Variants in PLCL1 observed in about 807,000 individuals in gnomAD.
PLCL1 encodes inactive phospholipase C-like protein 1.
PLCL1 carries 41 observed loss-of-function variants against 84.4 expected under a neutral mutation model. That is an observed-to-expected ratio of 0.49 (90% confidence interval 0.38 to 0.63). The LOEUF is 0.63. Among genes scored for constraint, PLCL1 ranks in the 30% least tolerant of loss-of-function variants. The pLI is 0.00. For synonymous variants in PLCL1, 490 were observed against 488.3 expected, an observed-to-expected ratio of 1.00 and a Z score of -0.05; for missense variants, 1,206 against 1,367.8, an observed-to-expected ratio of 0.88 and a Z score of 1.87.
At chr2:198,012,648 C>T (rs926342800) in intron 1 of PLCL1, among the ~76,000 whole-genome samples, 6 of 151,312 alleles carry the variant, frequency 4.0e-5, no homozygotes, top group Non-Finnish European at 8.8e-5. Flanking sequence ...TTGTTGTCTT[C>T]GTGTTTCATT....
intron 1 of PLCL1, among the ~76,000 whole-genome samples, chr2:198,014,438 G>A (rs939433062): frequency 2.6e-5 from 4 of 151,990 alleles, no homozygotes; most frequent in Non-Finnish European, 5.9e-5. Context: ...CACAATGGTA[G>A]GACCACAATT....
intron 1 of PLCL1, chr2:197,810,372 A>G: frequency 1.4e-6 from 1 of 692,464 alleles, no homozygotes; most frequent in Non-Finnish European, 2.2e-6. Context: ...GTGTCTGTTG[A>G]TTAGTGTTTG....
At chr2:198,053,255 CAT>C (rs1691985927) in intron 1 of PLCL1, among the ~76,000 whole-genome samples, 1 of 152,218 alleles carries the variant, frequency 6.6e-6, no homozygotes, top group Non-Finnish European at 1.5e-5. Flanking sequence ...TCTCCCACTT[CAT>C]TATCTGCATG....
chr2:197,942,803 G>C (rs1476662554), intron 1 of PLCL1, among the ~76,000 whole-genome samples: 1 of 152,162 alleles, frequency 6.6e-6, no homozygotes, highest in Non-Finnish European at 1.5e-5. Flanking sequence ...GTGAGGCTTT[G>C]ATTATGGTAT....
chr2:197,892,228 G>A (rs190393348), intron 1 of PLCL1, among the ~76,000 whole-genome samples: 115 of 152,236 alleles, frequency 7.6e-4, no homozygotes, highest in East Asian at 2.7e-3. Context: ...GGCTGGGTGC[G>A]GTGGCAGGTA....
At chr2:197,991,717 G>A (rs1690349697) in intron 1 of PLCL1, among the ~76,000 whole-genome samples, 1 of 152,154 alleles carries the variant, frequency 6.6e-6, no homozygotes, top group African/African-American at 2.4e-5. Context: ...CAGGACTGCT[G>A]CAGACGAGCC....
chr2:197,826,756 T>C lies in PLCL1; in HGVS notation c.240+21417T>C, dbSNP rs542709349. 6.1e-4 allele frequency among the ~76,000 whole-genome samples: 93 copies of C among 152,290 alleles called. 1 individual carries two copies. The highest frequency in any genetic ancestry group is 2.1e-3 in the African/African-American group (86 of 41,586). ...GTAAGCCCAAATAGAATATAGGTGC[T>C]GTAACAGAAGTATAGTATAGAGCTG... is the stretch of plus-strand genomic sequence containing the variant. On this transcript the variant is annotated intron_variant, in intron 1 of 5. Coordinates refer to ENST00000428675, the MANE Select transcript of PLCL1 (RefSeq NM_006226.4).
At chr2:198,109,310 G>C (rs983813748) in intron 5 of PLCL1, among the ~76,000 whole-genome samples, 1 of 151,770 alleles carries the variant, frequency 6.6e-6, no homozygotes, top group Non-Finnish European at 1.5e-5. Flanking sequence ...AAAGGGCCTA[G>C]CTAGTTCCCT....
intron 1 of PLCL1, among the ~76,000 whole-genome samples, chr2:198,034,705 T>G (rs891506539): frequency 1.3e-5 from 2 of 152,228 alleles, no homozygotes; most frequent in Non-Finnish European, 2.9e-5. Context: ...TTCATTCAGA[T>G]TCTGCTGATT....
At chr2:198,023,254 G>C (rs1268546237) in intron 1 of PLCL1, among the ~76,000 whole-genome samples, 3 of 152,046 alleles carry the variant, frequency 2.0e-5, no homozygotes, top group Non-Finnish European at 4.4e-5. Flanking sequence ...TAACTCAAGA[G>C]GGATTAAAGA....
intron 1 of PLCL1, among the ~76,000 whole-genome samples, chr2:197,855,174 A>G (rs1687307543): frequency 6.6e-6 from 1 of 152,124 alleles, no homozygotes; most frequent in African/African-American, 2.4e-5. Flanking sequence ...AAGGGAATAA[A>G]CTGTTCCTTG....
chr2:198,005,743 G>A lies in PLCL1; in HGVS notation c.241-78015G>A, dbSNP rs112712800. Among the ~76,000 whole-genome samples, 396 of 152,340 alleles carry A rather than the reference G, an allele frequency of 2.6e-3. 3 individuals carry two copies. Among genetic ancestry groups the A allele is most frequent in the African/African-American group, 8.9e-3 (368 of 41,578 alleles). ...AGAGGCAAAGGGTTGCAGGCAACTC[G>A]CCTGAGGTGGAGAGGCAAGGCTGGT... is the stretch of plus-strand genomic sequence containing the variant. On this transcript the variant is annotated intron_variant, in intron 1 of 5. Coordinates refer to ENST00000428675, the MANE Select transcript of PLCL1 (RefSeq NM_006226.4).
intron 1 of PLCL1, among the ~76,000 whole-genome samples, chr2:197,879,047 G>A (rs912367924): frequency 2.6e-5 from 4 of 152,324 alleles, no homozygotes; most frequent in Admixed American, 6.5e-5. Context: ...TCTTCCTCCC[G>A]CTGGGGCACA....
intron 1 of PLCL1, among the ~76,000 whole-genome samples, chr2:198,080,363 T>G (rs1431398441): frequency 6.6e-6 from 1 of 152,208 alleles, no homozygotes; most frequent in African/African-American, 2.4e-5. Flanking sequence ...ACCTTCAACT[T>G]TTTCTAGTCT....
chr2:198,044,647 T>C (rs1182767807), intron 1 of PLCL1, among the ~76,000 whole-genome samples: 1 of 152,208 alleles, frequency 6.6e-6, no homozygotes, highest in African/African-American at 2.4e-5. Flanking sequence ...GACTTTAAAC[T>C]GTTGTTTTCT....
chr2:197,977,979 ACTT>A (rs919594411), intron 1 of PLCL1, among the ~76,000 whole-genome samples: 2 of 152,188 alleles, frequency 1.3e-5, no homozygotes, highest in African/African-American at 4.8e-5. Flanking sequence ...CTCCGGTGGC[ACTT>A]CTTTTAAAAG....
intron 1 of PLCL1, among the ~76,000 whole-genome samples, chr2:197,826,869 C>T (rs1025249666): frequency 9.9e-5 from 15 of 152,220 alleles, no homozygotes; most frequent in African/African-American, 3.6e-4. Context: ...TTCCAAGTTC[C>T]TAGATTTTTC....
At chr2:197,822,685 A>G (rs1690842873) in intron 1 of PLCL1, among the ~76,000 whole-genome samples, 2 of 152,174 alleles carry the variant, frequency 1.3e-5, no homozygotes, top group African/African-American at 4.8e-5. Context: ...AGTAAGTGGC[A>G]TGTTCTGATT....
chr2:197,895,829 A>G (rs1372630960), intron 1 of PLCL1, among the ~76,000 whole-genome samples: 1 of 151,900 alleles, frequency 6.6e-6, no homozygotes, highest in Non-Finnish European at 1.5e-5. Flanking sequence ...GGAGAATGGA[A>G]CACATCAGTG....
Sources: allele counts gnomAD v4.1 joint callset (sites outside exome capture counted in the v4.1 genomes callset), GRCh38; gene constraint gnomAD v4.1.1; transcripts MANE v1.5; gene names NCBI Gene and HGNC (gene_info 2026-07-23, HGNC 2026-07-21).